Variants in RPS6KC1 observed in about 807,000 individuals in gnomAD.
The protein encoded by RPS6KC1 is ribosomal protein S6 kinase C1, also known as inactive ribosomal protein S6 kinase delta-1.
RPS6KC1 carries 54 observed loss-of-function variants against 103.8 expected under a neutral mutation model. That is an observed-to-expected ratio of 0.52 (90% confidence interval 0.42 to 0.65). RPS6KC1 has a LOEUF of 0.65. Among genes scored for constraint, RPS6KC1 ranks in the 30% least tolerant of loss-of-function variants. The probability of loss-of-function intolerance (pLI) is 0.00; values close to 1 mark genes in which losing one functional copy is unlikely to be tolerated. For missense variants in RPS6KC1, 1,151 were observed against 1,253.8 expected, an observed-to-expected ratio of 0.92 and a Z score of 1.24; for synonymous variants, 439 against 438.7, an observed-to-expected ratio of 1.00 and a Z score of -0.01.
chr1:213,386,823 C>T, the RPS6KC1 span, among the ~76,000 whole-genome samples: 1 of 152,350 alleles, frequency 6.6e-6, no homozygotes, highest in Non-Finnish European at 1.5e-5. Context: ...TCCTTCAGTT[C>T]ACCTCTGGCT....
At chr1:213,609,523 C>G in the RPS6KC1 span, among the ~76,000 whole-genome samples, 1 of 152,096 alleles carries the variant, frequency 6.6e-6, no homozygotes. Flanking sequence ...AGCACAATCA[C>G]CCTCACAAAG....
chr1:213,330,790 C>T, the RPS6KC1 span, among the ~76,000 whole-genome samples: 451 of 152,290 alleles, frequency 3.0e-3, 6 homozygotes, highest in African/African-American at 0.01. Context: ...AGAAGGTGAA[C>T]GGTGAGGAGT....
chr1:213,622,487 G>A, the RPS6KC1 span, among the ~76,000 whole-genome samples: 12 of 152,054 alleles, frequency 7.9e-5, no homozygotes, highest in East Asian at 1.9e-3. Flanking sequence ...AATTCCATTC[G>A]GTTGCACGTT....
At chr1:213,765,868 TTACTG>T in the RPS6KC1 span, among the ~76,000 whole-genome samples, 1 of 152,234 alleles carries the variant, frequency 6.6e-6, no homozygotes, top group Non-Finnish European at 1.5e-5. Context: ...TTTTTATACT[TTACTG>T]TAAGTTATTT....
the RPS6KC1 span, among the ~76,000 whole-genome samples, chr1:213,538,032 A>C: frequency 6.6e-6 from 1 of 152,072 alleles, no homozygotes; most frequent in Admixed American, 6.6e-5. Flanking sequence ...GGGGGAAGAG[A>C]GCATGGTCCC....
the RPS6KC1 span, among the ~76,000 whole-genome samples, chr1:213,479,584 A>G: frequency 2.6e-5 from 4 of 151,974 alleles, no homozygotes; most frequent in Non-Finnish European, 5.9e-5. Context: ...GGAGTTATTC[A>G]TGTATTTTGA....
At chr1:213,425,858 C>T in the RPS6KC1 span, among the ~76,000 whole-genome samples, 3 of 151,946 alleles carry the variant, frequency 2.0e-5, no homozygotes, top group Admixed American at 1.3e-4. Context: ...TGGTGGTGGC[C>T]GGGGCGGATG....
chr1:213,242,934 T>G (rs2094388830), intron 12 of RPS6KC1, among the ~76,000 whole-genome samples: 1 of 152,184 alleles, frequency 6.6e-6, no homozygotes, highest in Non-Finnish European at 1.5e-5. Flanking sequence ...AGAAATGTCT[T>G]AACTTCTTAG....
the RPS6KC1 span, among the ~76,000 whole-genome samples, chr1:213,316,180 C>T: frequency 6.6e-6 from 1 of 152,200 alleles, no homozygotes; most frequent in Non-Finnish European, 1.5e-5. Flanking sequence ...TTATAAGTGG[C>T]AGTTTCCCCT....
chr1:213,706,903 A>G, the RPS6KC1 span, among the ~76,000 whole-genome samples: 5 of 152,160 alleles, frequency 3.3e-5, no homozygotes, highest in Admixed American at 3.3e-4. Context: ...GCTGCATACT[A>G]TTCCATGGTG....
the RPS6KC1 span, among the ~76,000 whole-genome samples, chr1:213,529,050 T>G: frequency 6.6e-6 from 1 of 152,196 alleles, no homozygotes; most frequent in Non-Finnish European, 1.5e-5. Context: ...ACCTCATCCA[T>G]GAGCAAAATC....
At chr1:213,394,661 G>C in the RPS6KC1 span, among the ~76,000 whole-genome samples, 10 of 152,216 alleles carry the variant, frequency 6.6e-5, no homozygotes, top group Admixed American at 1.3e-4. Flanking sequence ...GCCTGCAGCA[G>C]AGCATGGTCT....
chr1:213,374,823 T>A, the RPS6KC1 span, among the ~76,000 whole-genome samples: 2 of 152,202 alleles, frequency 1.3e-5, no homozygotes, highest in Non-Finnish European at 2.9e-5. Flanking sequence ...GGGAAGGGCC[T>A]GCAACACACC....
chr1:213,830,911 A>G, the RPS6KC1 span, among the ~76,000 whole-genome samples: 1 of 152,126 alleles, frequency 6.6e-6, no homozygotes, highest in Non-Finnish European at 1.5e-5. Context: ...TGCTGTTGAC[A>G]GTGGGTTCTG....
chr1:213,129,666 A>G lies in RPS6KC1; in HGVS notation c.612A>G (p.Leu204=). 1 of 1,614,062 alleles carries G rather than the reference A, an allele frequency of 6.2e-7. No individual in the cohort carries two copies. The highest frequency in any genetic ancestry group is 1.1e-5 in the South Asian group (1 of 91,078). ...GLNLSSDSSA[L]GAVASDSEQS... is the part of the protein sequence containing the mutation. Reference sequence around the variant, plus strand: ...ATCTTTCTTCGGATTCTTCAGCACTAGGGGCTGTTGCTTCTGACAGTGAAC... The same window carrying G: ...ATCTTTCTTCGGATTCTTCAGCACTGGGGGCTGTTGCTTCTGACAGTGAAC... The change falls in exon 6 of 15, where the codon CTA becomes CTG. Residue 204 remains leucine (L), a synonymous_variant. Coordinates refer to ENST00000366960, the MANE Select transcript of RPS6KC1 (RefSeq NM_012424.6).
intron 12 of RPS6KC1, among the ~76,000 whole-genome samples, chr1:213,260,244 T>A (rs147496829): frequency 2.6e-5 from 4 of 152,302 alleles, no homozygotes; most frequent in African/African-American, 9.6e-5. Flanking sequence ...TACTACCTAG[T>A]TGAGAGCAGC....
chr1:213,601,906 C>T, the RPS6KC1 span, among the ~76,000 whole-genome samples: 1 of 147,364 alleles, frequency 6.8e-6, no homozygotes, highest in Non-Finnish European at 1.5e-5. Flanking sequence ...TCCCTCTTTC[C>T]CTTCCCTTCC....
chr1:213,813,264 G>A, the RPS6KC1 span, among the ~76,000 whole-genome samples: 1 of 151,830 alleles, frequency 6.6e-6, no homozygotes, highest in Non-Finnish European at 1.5e-5. Flanking sequence ...CTGTCACCCA[G>A]GCTGGAGTGC....
chr1:213,056,919 A>T (rs1207086941), intron 1 of RPS6KC1, among the ~76,000 whole-genome samples: 2 of 143,890 alleles, frequency 1.4e-5, no homozygotes, highest in Non-Finnish European at 3.0e-5. Context: ...ATCATAATGT[A>T]CTTGTTTGAC....
Sources: allele counts gnomAD v4.1 joint callset (sites outside exome capture counted in the v4.1 genomes callset), GRCh38; gene constraint gnomAD v4.1.1; transcripts MANE v1.5; gene names NCBI Gene and HGNC (gene_info 2026-07-23, HGNC 2026-07-21).